WDR88: variants seen among roughly 807,000 people sequenced by gnomAD.
WDR88 encodes the protein WD repeat-containing protein 88.
In WDR88, 40 loss-of-function variants were observed where a neutral mutation model predicts 46.8. The observed-to-expected ratio is 0.86, with a 90% CI of 0.66 to 1.11. WDR88 has a LOEUF of 1.11. Ranked by LOEUF, WDR88 falls within the 50% of genes most tolerant of loss-of-function variation. The probability of loss-of-function intolerance (pLI) is 0.00; values close to 1 mark genes in which losing one functional copy is unlikely to be tolerated. For missense variants in WDR88, 562 were observed against 602.4 expected (o/e 0.93, Z 0.70); for synonymous variants, 235 against 240.7 (o/e 0.98, Z 0.22).
At chr19:33,154,734 A>G (rs760070221) in intron 6 of WDR88, among the ~76,000 whole-genome samples, 11 of 152,150 alleles carry the variant, frequency 7.2e-5, no homozygotes, top group Non-Finnish European at 1.3e-4. Flanking sequence ...TTAAACCTCA[A>G]TGACAGTGTC....
At chr19:33,133,419 G>A (rs1374478343) in intron 1 of WDR88, among the ~76,000 whole-genome samples, 4 of 151,898 alleles carry the variant, frequency 2.6e-5, no homozygotes, top group Admixed American at 6.6e-5. Context: ...ATGGTGGTGC[G>A]TGCCTGTAAT....
chr19:33,170,779 T>C (rs1412492783), intron 9 of WDR88, among the ~76,000 whole-genome samples: 1 of 151,964 alleles, frequency 6.6e-6, no homozygotes, highest in African/African-American at 2.4e-5. Flanking sequence ...GGAGAATCAC[T>C]GGAGCCTGCG....
chr19:33,151,222 GAC>G lies in WDR88; in HGVS notation c.723_724del (p.Asp241GlufsTer29). The G allele has an allele frequency of 6.2e-7, 1 of 1,613,780 alleles. No individual in the cohort carries two copies. The highest frequency in any genetic ancestry group is 2.2e-5 in the East Asian group (1 of 44,876). On this transcript the variant is annotated frameshift_variant, in exon 6 of 11. Coordinates refer to ENST00000355868, the MANE Select transcript of WDR88 (RefSeq NM_173479.4). LOFTEE classifies it high-confidence loss of function. ...RSITSCCFDP[D>X]SQRVASVSLD... ...CATCACGTCATGCTGCTTTGACCCCGACAGCCAGAGGGTGGCTTCTGTCTCAT... is the reference window on the plus strand; with the variant it reads ...CATCACGTCATGCTGCTTTGACCCCGAGCCAGAGGGTGGCTTCTGTCTCAT...
chr19:33,173,881 C>T (rs1034869463), intron 10 of WDR88, among the ~76,000 whole-genome samples: 46 of 152,272 alleles, frequency 3.0e-4, no homozygotes, highest in African/African-American at 1.1e-3. Context: ...GATGGAGTCT[C>T]GCTCTGTCGC....
At chr19:33,167,965 A>C (rs1054153053) in intron 9 of WDR88, among the ~76,000 whole-genome samples, 5 of 150,222 alleles carry the variant, frequency 3.3e-5, no homozygotes, top group African/African-American at 1.2e-4. Flanking sequence ...TGATCTGCCC[A>C]CCTTGGCCTC....
intron 7 of WDR88, among the ~76,000 whole-genome samples, chr19:33,159,631 C>G (rs1973829415): frequency 6.6e-6 from 1 of 152,056 alleles, no homozygotes; most frequent in South Asian, 2.1e-4. Flanking sequence ...GAAACTGACC[C>G]TGTATTTCCC....
In WDR88 at chr19:33,157,623, ATATG is replaced by A. The variant is rs1403093181; in HGVS notation, c.997+1087_997+1090del. On this transcript the variant is annotated intron_variant, in intron 7 of 10. Transcript: ENST00000355868. ...TATATGTATATATATGTGTATATATATATGTATGTGTATATATGTGTGTGTGTAT... is the reference window on the plus strand; with the variant it reads ...TATATGTATATATATGTGTATATATATATGTGTATATATGTGTGTGTGTAT... Among the ~76,000 whole-genome samples, 115 of 144,212 alleles carry A rather than the reference ATATG, an allele frequency of 8.0e-4. 4 individuals carry two copies. The highest frequency in any genetic ancestry group is 4.3e-4 in the South Asian group (2 of 4,638). The allele number at this position is 144,212 out of a possible 152,430, so 94.6% of individuals were successfully genotyped here.
chr19:33,159,832 G>GTAA (rs1438941485), intron 7 of WDR88, among the ~76,000 whole-genome samples: 19 of 151,856 alleles, frequency 1.3e-4, no homozygotes, highest in Non-Finnish European at 1.0e-4. Flanking sequence ...TTATTACATT[G>GTAA]TAATATATAG....
chr19:33,161,301 G>A (rs1973862597), intron 8 of WDR88, among the ~76,000 whole-genome samples: 1 of 152,128 alleles, frequency 6.6e-6, no homozygotes, highest in African/African-American at 2.4e-5. Flanking sequence ...CTACAAGTGA[G>A]AGGATGAGAG....
chr19:33,154,575 T>C (rs1338362988), intron 6 of WDR88, among the ~76,000 whole-genome samples: 1 of 152,220 alleles, frequency 6.6e-6, no homozygotes, highest in Non-Finnish European at 1.5e-5. Flanking sequence ...ATGGTGTATA[T>C]GTACCACATT....
chr19:33,166,763 A>AT (rs59892191), intron 9 of WDR88, among the ~76,000 whole-genome samples: 151,865 of 151,992 alleles, frequency 1, 75,870 homozygotes, highest in East Asian at 1. Context: ...AATACAAAAA[A>AT]TAGCTAGGAG....
intron 1 of WDR88, among the ~76,000 whole-genome samples, chr19:33,137,164 C>T (rs1973285468): frequency 1.3e-5 from 2 of 150,788 alleles, no homozygotes; most frequent in Admixed American, 1.3e-4. Flanking sequence ...GTTGCCCAGA[C>T]TGGTCTTGAA....
At chr19:33,154,212 T>G (rs1973691475) in intron 6 of WDR88, among the ~76,000 whole-genome samples, 1 of 152,186 alleles carries the variant, frequency 6.6e-6, no homozygotes, top group Non-Finnish European at 1.5e-5. Context: ...GAAATTGCTA[T>G]GTCTTTTTTT....
intron 10 of WDR88, among the ~76,000 whole-genome samples, chr19:33,173,082 ACT>A (rs1308277094): frequency 2.7e-5 from 3 of 111,766 alleles, no homozygotes; most frequent in East Asian, 5.4e-4. Context: ...ACAGAGCGAG[ACT>A]CTGTCTCAAA....
chr19:33,137,713 G>C lies in WDR88; in HGVS notation c.313G>C (p.Val105Leu), dbSNP rs752641881. The C allele has an allele frequency of 1.2e-6, 2 of 1,613,900 alleles. No homozygotes were observed. Among genetic ancestry groups the C allele is most frequent in the African/African-American group, 1.3e-5 (1 of 74,920 alleles). Reference protein sequence around the residue: ...FKILSGHEHAVSTCHFCVDDT... With the variant: ...FKILSGHEHALSTCHFCVDDT... ...AATTCTGAGTGGGCACGAGCACGCT[G>C]TGAGCACCTGCCACTTCTGTGTGGA... The change falls in exon 2 of 11, where the codon GTG (valine) becomes CTG (leucine). Residue 105 changes from valine to leucine, a missense_variant. Transcript: ENST00000355868.
At chr19:33,143,995 G>T (rs923200764) in intron 2 of WDR88, among the ~76,000 whole-genome samples, 1 of 152,126 alleles carries the variant, frequency 6.6e-6, no homozygotes, top group Non-Finnish European at 1.5e-5. Flanking sequence ...GGTCCACAGG[G>T]ATGGGGTCGT....
intron 3 of WDR88, 149 bp downstream of exon 3, chr19:33,145,081 A>C: frequency 4.1e-6 from 3 of 738,816 alleles, no homozygotes; most frequent in Non-Finnish European, 6.9e-6. Context: ...CTGTGGTCTC[A>C]AGCGATTCTC....
At chr19:33,160,905 C>T (rs1487397057) in intron 8 of WDR88, among the ~76,000 whole-genome samples, 1 of 152,188 alleles carries the variant, frequency 6.6e-6, no homozygotes, top group Non-Finnish European at 1.5e-5. Flanking sequence ...GGCACTGTGG[C>T]TCACTCCTGT....
chr19:33,174,519 G>A, intron 10 of WDR88: 1 of 985,226 alleles, frequency 1.0e-6, no homozygotes, highest in South Asian at 4.7e-5. Flanking sequence ...TGATGGGTGA[G>A]CTGTGCCATT....
Sources: gnomAD v4.1 joint callset for allele counts (sites outside exome capture counted in the v4.1 genomes callset) on GRCh38, gnomAD v4.1.1 for gene constraint, MANE v1.5 for transcripts, NCBI Gene and HGNC (gene_info 2026-07-23, HGNC 2026-07-21) for gene names.